The following PLEKHM3 variants were observed in gnomAD, a reference collection of about 807,000 sequenced individuals.
PLEKHM3 encodes pleckstrin homology domain containing M3.
PLEKHM3 carries 45 observed loss-of-function variants against 81.8 expected under a neutral mutation model. That is an observed-to-expected ratio of 0.55 (90% CI 0.43 to 0.71). The LOEUF is 0.71. Ranked by LOEUF, PLEKHM3 falls within the 30% of genes least tolerant of loss-of-function variation. The probability of loss-of-function intolerance (pLI) is 0.00; values close to 1 mark genes in which losing one functional copy is unlikely to be tolerated. For missense variants in PLEKHM3, 788 were observed against 924.3 expected (o/e 0.85, Z 1.91); for synonymous variants, 352 against 356.4 (o/e 0.99, Z 0.14).
chr2:208,004,126 A>C (rs1254920754), intron 1 of PLEKHM3, among the ~76,000 whole-genome samples: 2 of 152,164 alleles, frequency 1.3e-5, no homozygotes, highest in African/African-American at 4.8e-5. Flanking sequence ...GATGGTTAGA[A>C]GTATATAACA....
chr2:207,836,215 T>G (rs771482812), intron 7 of PLEKHM3, among the ~76,000 whole-genome samples: 8 of 151,628 alleles, frequency 5.3e-5, no homozygotes, highest in Non-Finnish European at 1.2e-4. Context: ...TCCCAGCTAC[T>G]TAGAAGGCTG....
Position 207,828,442 on chromosome 2 carries a change from G to C in PLEKHM3, c.2163C>G (p.Pro721=). 4 of 1,614,106 alleles carry C rather than the reference G, an allele frequency of 2.5e-6. No individual in the cohort carries two copies. Among genetic ancestry groups the C allele is most frequent in the Non-Finnish European group, 3.4e-6 (4 of 1,180,022 alleles). The change falls in exon 8 of 8, where the codon CCC becomes CCG. Residue 721 remains proline (P), a synonymous_variant. Transcript: ENST00000427836. ...FHSECKEKSV[P]CPRCVRRELQ... is the part of the protein sequence containing the mutation. ...GCTCTCGGCGAACACACCTCGGGCA[G>C]GGGACAGACTTTTCTTTGCATTCAG... is the stretch of plus-strand genomic sequence containing the variant.
At chr2:207,917,803 T>C (rs1052628228) in intron 5 of PLEKHM3, among the ~76,000 whole-genome samples, 2 of 152,140 alleles carry the variant, frequency 1.3e-5, no homozygotes, top group Admixed American at 1.3e-4. Context: ...TGTGGTCATG[T>C]CATGGCACTG....
intron 3 of PLEKHM3, among the ~76,000 whole-genome samples, chr2:207,952,278 A>T (rs369354011): frequency 1.3e-5 from 2 of 152,344 alleles, no homozygotes; most frequent in East Asian, 1.9e-4. Context: ...CACAGGAATG[A>T]GCAAGGGGAC....
At chr2:207,951,124 T>A (rs1690314685) in intron 3 of PLEKHM3, among the ~76,000 whole-genome samples, 1 of 152,218 alleles carries the variant, frequency 6.6e-6, no homozygotes, top group African/African-American at 2.4e-5. Flanking sequence ...TCTGAAACAA[T>A]TCCCCATAAA....
At chr2:207,905,703 G>A (rs1384410661) in intron 6 of PLEKHM3, among the ~76,000 whole-genome samples, 2 of 152,166 alleles carry the variant, frequency 1.3e-5, no homozygotes, top group Non-Finnish European at 2.9e-5. Context: ...GGCTCTTAAA[G>A]CCAGGCACAA....
chr2:207,900,162 C>T (rs1688370566), intron 6 of PLEKHM3: 1 of 152,164 alleles, frequency 6.6e-6, no homozygotes, highest in Non-Finnish European at 1.5e-5. Flanking sequence ...TCATCTCTAG[C>T]CTAGGTGAGA....
chr2:207,913,584 C>T (rs977031278), intron 5 of PLEKHM3, among the ~76,000 whole-genome samples: 1 of 152,068 alleles, frequency 6.6e-6, no homozygotes, highest in African/African-American at 2.4e-5. Context: ...TCAGTGACCT[C>T]AGACTGGGTG....
intron 1 of PLEKHM3, among the ~76,000 whole-genome samples, chr2:208,024,829 T>C (rs1693270755): frequency 6.6e-6 from 1 of 152,242 alleles, no homozygotes; most frequent in Admixed American, 6.5e-5. Context: ...TCCAGACCAG[T>C]CTCAATTTGT....
At position 207,865,801 on chromosome 2, in the gene PLEKHM3, A is replaced by AAAATAT; in HGVS notation, c.1951-4540_1951-4539insATATTT. Among the ~76,000 whole-genome samples the AAAATAT allele has an allele frequency of 1.5e-3, 37 of 25,284 alleles. 7 individuals carry two copies. Among genetic ancestry groups the AAAATAT allele is most frequent in the East Asian group, 1.0e-2 (9 of 902 alleles). The allele number at this position is 25,284 out of a possible 152,430, so 16.6% of individuals were successfully genotyped here. A position where few individuals can be genotyped will look rare whatever the true frequency, so the allele number is the denominator to read the frequency against. On this transcript the variant is annotated intron_variant, in intron 6 of 7. Transcript: ENST00000427836. ...CGACTCAAAAAAAAAAAAAAAAAAA[A>AAAATAT]AGATATATATATATATATATATATA...
intron 3 of PLEKHM3, among the ~76,000 whole-genome samples, chr2:207,963,541 A>G (rs1392555041): frequency 6.6e-6 from 1 of 152,256 alleles, no homozygotes; most frequent in African/African-American, 2.4e-5. Flanking sequence ...GAAGGTCACT[A>G]TAGTCATCTT....
At position 207,901,084 on chromosome 2, in the gene PLEKHM3, G is replaced by A. The variant is rs188234821; in HGVS notation, c.1950+7430C>T. 52 of 593,000 alleles carry A rather than the reference G, an allele frequency of 8.8e-5. No homozygotes were observed. The East Asian group carries it at 1.4e-3, about 16-fold the overall frequency. The allele number at this position is 593,000 out of a possible 1,614,324, so 36.7% of individuals were successfully genotyped here. ...ATTGTTGTCTCTACCTGAGGGGCTCGAGTTGGCTCCTGGAATCCTTATCTC... is the reference window on the plus strand; with the variant it reads ...ATTGTTGTCTCTACCTGAGGGGCTCAAGTTGGCTCCTGGAATCCTTATCTC... On this transcript the variant is annotated intron_variant, in intron 6 of 7. Coordinates refer to ENST00000427836, the MANE Select transcript of PLEKHM3 (RefSeq NM_001080475.3).
chr2:207,879,735 T>C (rs1316129522), intron 6 of PLEKHM3, among the ~76,000 whole-genome samples: 1 of 152,164 alleles, frequency 6.6e-6, no homozygotes. Flanking sequence ...TAGCCAGCTC[T>C]CTAAACAAGA....
In PLEKHM3 at chr2:207,828,165, T is replaced by C. The variant is rs2092263134; in HGVS notation, c.*154A>G. 1 of 543,904 alleles carries C rather than the reference T, an allele frequency of 1.8e-6. No individual in the cohort carries two copies. Among genetic ancestry groups the C allele is most frequent in the Admixed American group, 3.6e-5 (1 of 27,556 alleles). 33.7% of individuals were successfully genotyped at this position (543,904 alleles called of 1,614,324 possible). Reference sequence around the variant, plus strand: ...AGAGCATACGTACAGGACGTATAGGTATTTGCGTATATATAAATAAATATA... The same window carrying C: ...AGAGCATACGTACAGGACGTATAGGCATTTGCGTATATATAAATAAATATA... On this transcript the variant is annotated 3_prime_UTR_variant, in exon 8 of 8. Transcript: ENST00000427836.
At chr2:207,924,521 T>TA (rs1689321289) in intron 5 of PLEKHM3, among the ~76,000 whole-genome samples, 1 of 151,916 alleles carries the variant, frequency 6.6e-6, no homozygotes, top group Non-Finnish European at 1.5e-5. Context: ...CTGTCTCTAC[T>TA]AAAAATACAA....
intron 6 of PLEKHM3, among the ~76,000 whole-genome samples, chr2:207,897,882 T>G (rs570443430): frequency 6.6e-6 from 1 of 152,314 alleles, no homozygotes; most frequent in East Asian, 1.9e-4. Flanking sequence ...TAAGGGAATG[T>G]AGGGCTTCCT....
intron 6 of PLEKHM3, among the ~76,000 whole-genome samples, chr2:207,905,804 T>A (rs1320148396): frequency 6.6e-6 from 1 of 152,182 alleles, no homozygotes; most frequent in Non-Finnish European, 1.5e-5. Context: ...GTTGATTGCC[T>A]CCATCACTGA....
At chr2:207,908,438 G>A (rs1168208278) in intron 6 of PLEKHM3, 76 bp downstream of exon 6, 8 of 1,354,170 alleles carry the variant, frequency 5.9e-6, no homozygotes, top group Admixed American at 2.1e-5. Flanking sequence ...GGCAGAATAC[G>A]GTGCAAAGAC....
At chr2:207,840,204 T>A (rs543263108) in intron 7 of PLEKHM3, among the ~76,000 whole-genome samples, 107 of 152,340 alleles carry the variant, frequency 7.0e-4, no homozygotes, top group African/African-American at 2.5e-3. Flanking sequence ...GTTTTTTGTT[T>A]TAGAGACAGG....
Sources: allele counts gnomAD v4.1 joint callset (sites outside exome capture counted in the v4.1 genomes callset), GRCh38; gene constraint gnomAD v4.1.1; transcripts MANE v1.5; gene names NCBI Gene and HGNC (gene_info 2026-07-23, HGNC 2026-07-21).